The following SLC3A1 variants were observed in gnomAD, a reference collection of about 807,000 sequenced individuals.
SLC3A1 encodes the protein amino acid transporter heavy chain SLC3A1.
In SLC3A1, 78 loss-of-function variants were observed where a neutral mutation model predicts 60.3. That is an observed-to-expected ratio of 1.29 (90% CI 1.08 to 1.56). The LOEUF (loss-of-function observed/expected upper bound fraction) is 1.56, where lower values mean the gene tolerates loss of function less well. Ranked by LOEUF, SLC3A1 falls within the 40% of genes most tolerant of loss-of-function variation. The probability of loss-of-function intolerance (pLI) is 0.00; values close to 1 mark genes in which losing one functional copy is unlikely to be tolerated. For missense variants in SLC3A1, 1,172 were observed against 858.9 expected, an observed-to-expected ratio of 1.36 and a Z score of -4.56; for synonymous variants, 392 against 307.9, an observed-to-expected ratio of 1.27 and a Z score of -2.86.
downstream of SLC3A1, chr2:44,322,011 G>A (rs879766794): frequency 2.5e-5 from 28 of 1,132,364 alleles, no homozygotes; most frequent in African/African-American, 1.6e-4. Context: ...TAATAGTAAA[G>A]GAATAAAAAG....
At position 44,275,709 on chromosome 2, in the gene SLC3A1, C is replaced by A. The variant is rs757798474; in HGVS notation, c.174C>A (p.Asp58Glu). The change falls in exon 1 of 10, where the codon GAC becomes GAA. Residue 58 changes from aspartate to glutamate, a missense_variant. Asp to Glu is a conservative substitution (Grantham distance 45). Transcript: ENST00000260649. ...GCATCCTTGGCTCCCAGGAGCCCGA[C>A]TTCAAGGGCGTCCAGCCCTATGCGG... ...TRGILGSQEP[D>E]FKGVQPYAGM... is the part of the protein sequence containing the mutation. 6.2e-7 allele frequency: 1 copy of A among 1,614,070 alleles called. No individual in the cohort carries two copies. The highest frequency in any genetic ancestry group is 8.5e-7 in the Non-Finnish European group (1 of 1,180,018).
At chr2:44,303,635 G>A (rs748605570) in intron 6 of SLC3A1, among the ~76,000 whole-genome samples, 1 of 151,884 alleles carries the variant, frequency 6.6e-6, no homozygotes, top group Non-Finnish European at 1.5e-5. Flanking sequence ...CAACATGCAG[G>A]TTTGTTACAT....
At chr2:44,276,641 G>C (rs570052700) in intron 1 of SLC3A1, among the ~76,000 whole-genome samples, 102 of 152,024 alleles carry the variant, frequency 6.7e-4, no homozygotes, top group African/African-American at 2.3e-3. Context: ...TGGGAGGATC[G>C]CTTGAGCCCA....
At chr2:44,304,083 G>A (rs1456435474) in intron 6 of SLC3A1, 60 bp from the exon 7 acceptor site, 1 of 1,288,730 alleles carries the variant, frequency 7.8e-7, no homozygotes, top group East Asian at 2.3e-5. Context: ...AGCAGCTGTG[G>A]AGTGCCTTCC....
At chr2:44,292,452 T>C (rs1017781740) in intron 4 of SLC3A1, among the ~76,000 whole-genome samples, 1 of 152,160 alleles carries the variant, frequency 6.6e-6, no homozygotes, top group African/African-American at 2.4e-5. Context: ...ATTGTGTGTC[T>C]TGACCATGTG....
At position 44,312,866 on chromosome 2, in the gene SLC3A1, T is replaced by G. The variant is rs1480226889; in HGVS notation, c.1500+113T>G. ...CTCTCTATTGCATTGCTGAAAATCATGGTTACTTTGCTTTTCTTTCTTACT... is the reference window on the plus strand; with the variant it reads ...CTCTCTATTGCATTGCTGAAAATCAGGGTTACTTTGCTTTTCTTTCTTACT... On this transcript the variant is annotated intron_variant, in intron 8 of 9. Coordinates refer to ENST00000260649, the MANE Select transcript of SLC3A1 (RefSeq NM_000341.4). 3.5e-6 allele frequency: 3 copies of G among 856,248 alleles called. No individual in the cohort carries two copies. In the African/African-American group the frequency reaches 5.1e-5, roughly 15 times the overall value. 53.0% of individuals were successfully genotyped at this position (856,248 alleles called of 1,614,324 possible).
rs373364069 is a variant in SLC3A1 at position 44,275,673 on chromosome 2, C to T, written c.138C>T (p.His46=). Residue 46 remains histidine (H), a synonymous_variant, in exon 1 of 10, where the codon CAC becomes CAT. Coordinates refer to ENST00000260649, the MANE Select transcript of SLC3A1 (RefSeq NM_000341.4). ...GAAGCTCAACAGACAACCTGAAGCA[C>T]AGCACCAGGGGCATCCTTGGCTCCC... ...DPGSSTDNLK[H]STRGILGSQE... The T allele has an allele frequency of 2.0e-5, 33 of 1,614,196 alleles. No homozygotes were observed. The highest frequency in any genetic ancestry group is 1.6e-4 in the Middle Eastern group (1 of 6,062).
chr2:44,286,877 G>A (rs547652446), intron 4 of SLC3A1, among the ~76,000 whole-genome samples: 2 of 152,212 alleles, frequency 1.3e-5, no homozygotes, highest in South Asian at 2.1e-4. Context: ...AGCTGCTGCA[G>A]GGAGGTGGGT....
intron 3 of SLC3A1, among the ~76,000 whole-genome samples, chr2:44,283,500 T>C (rs745549429): frequency 1.3e-5 from 2 of 152,350 alleles, no homozygotes; most frequent in East Asian, 3.9e-4. Context: ...GTTTTGCAGA[T>C]AGGCAGACTG....
At chr2:44,315,866 T>C (rs1453306261) in intron 9 of SLC3A1, among the ~76,000 whole-genome samples, 2 of 151,878 alleles carry the variant, frequency 1.3e-5, no homozygotes, top group African/African-American at 4.8e-5. Flanking sequence ...CTTCTACAAG[T>C]GCATCAAAGA....
At chr2:44,285,798 C>A in intron 3 of SLC3A1, 1 of 659,608 alleles carries the variant, frequency 1.5e-6, no homozygotes, top group Non-Finnish European at 2.9e-6. Context: ...TTTGCTGTTG[C>A]AGTTGTTACA....
chr2:44,309,824 C>G (rs937840909), intron 7 of SLC3A1, among the ~76,000 whole-genome samples: 7 of 152,166 alleles, frequency 4.6e-5, no homozygotes, highest in Admixed American at 2.0e-4. Flanking sequence ...GTCTGGAACT[C>G]CTGGCCTCAA....
chr2:44,318,899 T>A (rs917909740), intron 9 of SLC3A1: 2 of 152,136 alleles, frequency 1.3e-5, no homozygotes, highest in Middle Eastern at 3.2e-3. Context: ...CTTCAAAATA[T>A]AGAAAATACT....
intron 4 of SLC3A1, among the ~76,000 whole-genome samples, chr2:44,297,065 T>C (rs1441724878): frequency 1.3e-5 from 2 of 152,178 alleles, no homozygotes; most frequent in Admixed American, 6.5e-5. Context: ...GAGAACAAAC[T>C]CTAATACACA....
At chr2:44,286,575 CCTGTGACGGTGAGCTGTGCGGTGT>C (rs1417520516) in intron 4 of SLC3A1, among the ~76,000 whole-genome samples, 1,506 of 30,736 alleles carry the variant, frequency 0.049, 41 homozygotes, top group African/African-American at 0.14. Flanking sequence ...CTGTGCGGTG[CCTGTGACGGTGAGCTGTGCGGTGT>C]CTGTGACGGT....
intron 3 of SLC3A1, among the ~76,000 whole-genome samples, chr2:44,283,317 G>T (rs756072175): frequency 5.6e-4 from 85 of 152,198 alleles, no homozygotes; most frequent in Admixed American, 3.7e-3. Context: ...CTGTCAGCAA[G>T]TCCTGGCAGT....
At chr2:44,297,368 C>T (rs991936960) in intron 4 of SLC3A1, among the ~76,000 whole-genome samples, 11 of 152,168 alleles carry the variant, frequency 7.2e-5, no homozygotes, top group Admixed American at 2.6e-4. Flanking sequence ...CTGGTCCTCC[C>T]ACCTGTCCCA....
At chr2:44,279,995 G>A (rs916150889) in intron 1 of SLC3A1, among the ~76,000 whole-genome samples, 6 of 152,124 alleles carry the variant, frequency 3.9e-5, no homozygotes, top group African/African-American at 9.7e-5. Flanking sequence ...GTAGCCACAT[G>A]TGGCTCTTAG....
intron 1 of SLC3A1, among the ~76,000 whole-genome samples, chr2:44,279,205 G>A (rs1437540653): frequency 2.0e-5 from 3 of 152,032 alleles, no homozygotes; most frequent in African/African-American, 7.2e-5. Context: ...TCACCATGTT[G>A]GCCAGGCTGG....
Sources: gnomAD v4.1 joint callset for allele counts (sites outside exome capture counted in the v4.1 genomes callset) on GRCh38, gnomAD v4.1.1 for gene constraint, MANE v1.5 for transcripts, NCBI Gene and HGNC (gene_info 2026-07-23, HGNC 2026-07-21) for gene names.